Variants in ORC5 observed in about 807,000 individuals in gnomAD.
ORC5 encodes the protein protein phosphatase 1, regulatory subunit 117.
ORC5 carries 39 observed loss-of-function variants against 58.8 expected under a neutral mutation model. That is an observed-to-expected ratio of 0.66 (90% confidence interval 0.51 to 0.87). The LOEUF (loss-of-function observed/expected upper bound fraction) is 0.87. ORC5 is among the 40% of genes least tolerant of loss of function. ORC5 has a pLI of 0.00. For synonymous variants in ORC5, 218 were observed against 177.6 expected (o/e 1.23, Z -1.81); for missense variants, 493 against 506.3 (o/e 0.97, Z 0.25).
At chr7:104,147,015 A>AT (rs1204087195) in intron 12 of ORC5, among the ~76,000 whole-genome samples, 1 of 152,232 alleles carries the variant, frequency 6.6e-6, no homozygotes, top group African/African-American at 2.4e-5. Context: ...TAAAACACTG[A>AT]TAACGTACTC....
intron 8 of ORC5, among the ~76,000 whole-genome samples, chr7:104,176,506 A>G (rs374100418): frequency 6.6e-6 from 1 of 151,862 alleles, no homozygotes; most frequent in Non-Finnish European, 1.5e-5. Flanking sequence ...TATTGACACA[A>G]AGAGTCTGTT....
chr7:104,200,770 C>G lies in ORC5; in HGVS notation c.354G>C (p.Gln118His). 6.3e-7 allele frequency: 1 copy of G among 1,586,200 alleles called. No individual in the cohort carries two copies. The highest frequency in any genetic ancestry group is 8.7e-7 in the Non-Finnish European group (1 of 1,155,682). The change falls in exon 3 of 14, where the codon CAG becomes CAC. Residue 118 changes from glutamine (Q) to histidine (H), a missense_variant. By Grantham distance (24) the Gln-to-His change is conservative (BLOSUM62 0). This residue lies in a region of ORC5 where 412 missense variants were observed against 403.7 expected (regional missense o/e 1.02). Coordinates refer to ENST00000297431, the MANE Select transcript of ORC5 (RefSeq NM_002553.4). ...TGAAATTACTTACAATATATACAGT[C>G]TGATCTTTAAGATTTTCAGCTGTGG... ...QVTTAENLKD[Q>H]TVYIVLDKAE...
At chr7:104,177,716 C>G (rs763475226) in intron 8 of ORC5, among the ~76,000 whole-genome samples, 11 of 152,054 alleles carry the variant, frequency 7.2e-5, no homozygotes, top group Non-Finnish European at 1.5e-4. Context: ...TAATGCTCTC[C>G]CTCCCCTTGC....
intron 11 of ORC5, among the ~76,000 whole-genome samples, chr7:104,163,997 C>T (rs1799066517): frequency 6.6e-6 from 1 of 152,148 alleles, no homozygotes; most frequent in South Asian, 2.1e-4. Context: ...AACTTTTTCT[C>T]TCATTAGTGA....
chr7:104,152,501 T>A (rs1372961925), intron 12 of ORC5, among the ~76,000 whole-genome samples: 1 of 152,182 alleles, frequency 6.6e-6, no homozygotes, highest in Non-Finnish European at 1.5e-5. Flanking sequence ...TCTAAATCAT[T>A]TATCTCCTAT....
rs145333584 is a variant in ORC5, at chr7:104,147,504, T to A, written c.1150-10611A>T. ...AATAAATTTTTCAACATAAAAATAA[T>A]TGCACAGTAAAATTCTGAGCTTGCC... On this transcript the variant is annotated intron_variant, in intron 12 of 13. Coordinates refer to ENST00000297431, the MANE Select transcript of ORC5 (RefSeq NM_002553.4). Among the ~76,000 whole-genome samples, 4 of 152,336 alleles carry A rather than the reference T, an allele frequency of 2.6e-5. No individual in the cohort carries two copies. The East Asian group carries it at 7.7e-4, about 29-fold the overall frequency.
chr7:104,173,838 ATTTTTTCT>A (rs1265032040), intron 8 of ORC5, among the ~76,000 whole-genome samples: 1,486 of 122,764 alleles, frequency 0.012, 25 homozygotes, highest in African/African-American at 0.04. Flanking sequence ...TGGGTTTAAA[ATTTTTTCT>A]TTTTTTTTTT....
At chr7:104,159,172 CT>C (rs1278848881) in intron 12 of ORC5, among the ~76,000 whole-genome samples, 2 of 148,362 alleles carry the variant, frequency 1.3e-5, no homozygotes, top group Non-Finnish European at 3.0e-5. Context: ...TTCATGTCCT[CT>C]GTAGGGACAT....
intron 12 of ORC5, among the ~76,000 whole-genome samples, chr7:104,155,384 T>C (rs1255744498): frequency 1.3e-5 from 2 of 151,720 alleles, no homozygotes; most frequent in South Asian, 4.1e-4. Context: ...GTATTAATTA[T>C]GGAAAAATCC....
chr7:104,182,371 T>A (rs902580194), intron 8 of ORC5, among the ~76,000 whole-genome samples: 2 of 152,210 alleles, frequency 1.3e-5, no homozygotes, highest in African/African-American at 4.8e-5. Flanking sequence ...TCTTAATGCC[T>A]ACCATTTTCA....
chr7:104,145,971 T>C (rs1018055576), intron 12 of ORC5, among the ~76,000 whole-genome samples: 1 of 152,154 alleles, frequency 6.6e-6, no homozygotes, highest in South Asian at 2.1e-4. Flanking sequence ...AATAAAGACA[T>C]GCTCGAACAA....
rs376991727 is a variant in ORC5, at chr7:104,178,509, T to A, written c.824+5434A>T. Among the ~76,000 whole-genome samples the A allele has an allele frequency of 2.6e-5, 4 of 152,124 alleles. No individual in the cohort carries two copies. The East Asian group carries it at 7.8e-4, about 30-fold the overall frequency. ...CAAAAATTTTCTCCCATTCCATAGG[T>A]TGCTTGTTCATTCTGATGATAGTTT... On this transcript the variant is annotated intron_variant, in intron 8 of 13. Coordinates refer to ENST00000297431, the MANE Select transcript of ORC5 (RefSeq NM_002553.4).
intron 12 of ORC5, among the ~76,000 whole-genome samples, chr7:104,153,453 T>C (rs992076228): frequency 6.6e-6 from 1 of 152,162 alleles, no homozygotes; most frequent in Non-Finnish European, 1.5e-5. Context: ...TAAGTAAGGC[T>C]CCTTTACCAT....
At chr7:104,184,192 A>AG in intron 6 of ORC5, 21 bp from the exon 7 acceptor site, 1 of 1,449,890 alleles carries the variant, frequency 6.9e-7, no homozygotes, top group Non-Finnish European at 9.4e-7. Flanking sequence ...AGAAAAAAAA[A>AG]GAGAAGAAAA....
intron 1 of ORC5, among the ~76,000 whole-genome samples, chr7:104,206,574 T>C (rs928203581): frequency 1.1e-4 from 16 of 152,220 alleles, no homozygotes; most frequent in African/African-American, 2.9e-4. Flanking sequence ...AGAAAATTAA[T>C]TGAAGATGCA....
chr7:104,204,589 CCTT>C (rs10560117), intron 1 of ORC5, among the ~76,000 whole-genome samples: 38,767 of 151,782 alleles, frequency 0.26, 5,208 homozygotes, highest in African/African-American at 0.34. Context: ...TTATATTACT[CCTT>C]CTTAAAGACT....
intron 3 of ORC5, among the ~76,000 whole-genome samples, chr7:104,199,921 G>C (rs750340594): frequency 2.0e-4 from 30 of 152,194 alleles, no homozygotes; most frequent in Non-Finnish European, 3.1e-4. Context: ...GGAGGTAAAT[G>C]AATCTTGGGG....
intron 12 of ORC5, among the ~76,000 whole-genome samples, chr7:104,137,209 C>T (rs1798604000): frequency 6.7e-6 from 1 of 149,174 alleles, no homozygotes; most frequent in Non-Finnish European, 1.5e-5. Flanking sequence ...CTCAAGTGGT[C>T]CTCTCAACTC....
intron 8 of ORC5, among the ~76,000 whole-genome samples, chr7:104,173,074 C>G (rs7804535): frequency 4.6e-5 from 7 of 151,004 alleles, no homozygotes; most frequent in Non-Finnish European, 7.4e-5. Flanking sequence ...GGGAGGGCCA[C>G]GAAGAAAGTG....
Sources: gnomAD v4.1 joint callset for allele counts (sites outside exome capture counted in the v4.1 genomes callset) on GRCh38, gnomAD v4.1.1 for gene constraint, gnomAD v4.1.1 regional missense constraint, MANE v1.5 for transcripts, NCBI Gene and HGNC (gene_info 2026-07-23, HGNC 2026-07-21) for gene names.